FMN1: variants seen among roughly 807,000 people sequenced by gnomAD.
FMN1 encodes the protein formin-1.
A neutral mutation model predicts 132.4 loss-of-function variants in FMN1; 110 were observed. The observed-to-expected ratio is 0.83, with a 90% CI of 0.71 to 0.97. FMN1 has a LOEUF of 0.97. FMN1 is among the 50% of genes least tolerant of loss of function. FMN1 has a pLI of 0.00. For synonymous variants in FMN1, 722 were observed against 651.7 expected (o/e 1.11, Z -1.64); for missense variants, 1,792 against 1,705.3 (o/e 1.05, Z -0.90).
chr15:32,935,404 TA>T (rs1412996930), intron 9 of FMN1, among the ~76,000 whole-genome samples: 1 of 152,182 alleles, frequency 6.6e-6, no homozygotes, highest in Non-Finnish European at 1.5e-5. Context: ...TTTTTGTCTT[TA>T]ACTTTTGACA....
chr15:32,814,529 T>G (rs1200692225), intron 17 of FMN1, among the ~76,000 whole-genome samples: 2 of 152,190 alleles, frequency 1.3e-5, no homozygotes, highest in African/African-American at 4.8e-5. Context: ...TAGGAAATAT[T>G]AGGAATTGCA....
At chr15:32,871,447 G>C (rs940831660) in intron 16 of FMN1, among the ~76,000 whole-genome samples, 1 of 152,128 alleles carries the variant, frequency 6.6e-6, no homozygotes, top group Non-Finnish European at 1.5e-5. Context: ...CCACAAGCAT[G>C]TTTAACAGCC....
intron 15 of FMN1, among the ~76,000 whole-genome samples, chr15:32,891,622 G>C (rs1330018197): frequency 6.6e-6 from 1 of 151,948 alleles, no homozygotes; most frequent in Non-Finnish European, 1.5e-5. Context: ...TGGGCAGTAT[G>C]GTCATTTTCA....
chr15:33,097,256 A>G (rs980872336), intron 4 of FMN1, among the ~76,000 whole-genome samples: 5 of 151,838 alleles, frequency 3.3e-5, no homozygotes, highest in African/African-American at 1.2e-4. Context: ...GTGAGCCAAG[A>G]TCACACCACT....
intron 16 of FMN1, among the ~76,000 whole-genome samples, chr15:32,857,728 T>C (rs2059168563): frequency 1.3e-5 from 2 of 152,230 alleles, no homozygotes; most frequent in Admixed American, 6.5e-5. Flanking sequence ...ATAGACTATC[T>C]AAAATTTGTA....
At chr15:32,907,524 T>A (rs372066699) in intron 12 of FMN1, among the ~76,000 whole-genome samples, 2 of 151,950 alleles carry the variant, frequency 1.3e-5, no homozygotes, top group South Asian at 2.1e-4. Flanking sequence ...CATGGGCTGG[T>A]ACCAGTCTGT....
intron 16 of FMN1, among the ~76,000 whole-genome samples, chr15:32,869,069 A>T (rs2059456557): frequency 6.6e-6 from 1 of 152,182 alleles, no homozygotes; most frequent in African/African-American, 2.4e-5. Flanking sequence ...CTAGCCCTCA[A>T]CCACAGTGAG....
chr15:32,811,499 G>A (rs1189132130), intron 17 of FMN1, among the ~76,000 whole-genome samples: 1 of 151,710 alleles, frequency 6.6e-6, no homozygotes, highest in African/African-American at 2.4e-5. Context: ...AGGACATTGT[G>A]TCACTACACT....
At chr15:33,062,658 T>C (rs987618160) in intron 6 of FMN1, 15 of 152,086 alleles carry the variant, frequency 9.9e-5, no homozygotes, top group African/African-American at 2.4e-4. Context: ...AAAAGAACAG[T>C]AGTCTATAAT....
At chr15:32,889,343 T>C (rs557517515) in intron 15 of FMN1, among the ~76,000 whole-genome samples, 2 of 152,308 alleles carry the variant, frequency 1.3e-5, no homozygotes, top group African/African-American at 4.8e-5. Context: ...GCTTTGTATC[T>C]TGCATGTCTT....
chr15:33,067,282 G>C, intron 5 of FMN1: 1 of 1,613,778 alleles, frequency 6.2e-7, no homozygotes, highest in South Asian at 1.1e-5. Flanking sequence ...CTTCTGCACA[G>C]AGCTCTGCAC....
Position 32,822,169 on chromosome 15 carries a change from T to C in FMN1, c.3929-17837A>G, listed in dbSNP as rs1003285817. ...TTCGAGACCAGCCTGGCCAACATGG[T>C]GAAACCCCGCCTCTACTAAAAATAC... On this transcript the variant is annotated intron_variant, in intron 17 of 20. Coordinates refer to ENST00000616417, the MANE Select transcript of FMN1 (RefSeq NM_001277313.2). Among the ~76,000 whole-genome samples the C allele has an allele frequency of 2.6e-4, 40 of 151,892 alleles. 1 individual carries two copies. The highest frequency in any genetic ancestry group is 9.7e-4 in the African/African-American group (40 of 41,356).
chr15:33,017,082 T>C (rs538641588), intron 6 of FMN1, among the ~76,000 whole-genome samples: 2 of 151,738 alleles, frequency 1.3e-5, no homozygotes, highest in East Asian at 3.9e-4. Flanking sequence ...GTGGCTGGGG[T>C]TCACCCTGCC....
chr15:33,006,709 A>C (rs1319855268), intron 7 of FMN1, among the ~76,000 whole-genome samples: 1 of 152,228 alleles, frequency 6.6e-6, no homozygotes, highest in Non-Finnish European at 1.5e-5. Context: ...TCTAGTCTTT[A>C]AAAAGAAAAA....
chr15:32,897,910 G>C (rs1292692032), intron 15 of FMN1, among the ~76,000 whole-genome samples: 1 of 152,096 alleles, frequency 6.6e-6, no homozygotes, highest in Non-Finnish European at 1.5e-5. Flanking sequence ...GAAGGACAAG[G>C]TTTCATGCCT....
At chr15:32,950,468 A>G (rs1006351525) in intron 9 of FMN1, among the ~76,000 whole-genome samples, 1 of 152,172 alleles carries the variant, frequency 6.6e-6, no homozygotes, top group East Asian at 1.9e-4. Flanking sequence ...ACTGGATTTT[A>G]AAAAATGTGG....
At position 33,194,044 on chromosome 15, in the gene FMN1, G is replaced by T. The variant is rs1470399999; in HGVS notation, c.-332C>A. ...ATGATGATGAAAGAAGAAGAAAACG[G>T]TGATGGTAAATGTCATCTATAAACA... On this transcript the variant is annotated 5_prime_UTR_variant, in exon 2 of 21. Coordinates refer to ENST00000616417, the MANE Select transcript of FMN1 (RefSeq NM_001277313.2). The T allele has an allele frequency of 6.6e-6, 1 of 152,018 alleles. No individual in the cohort carries two copies. Among genetic ancestry groups the T allele is most frequent in the Admixed American group, 6.6e-5 (1 of 15,246 alleles). The allele number at this position is 152,018 out of a possible 1,614,324, so 9.4% of individuals were successfully genotyped here. A position where few individuals can be genotyped will look rare whatever the true frequency, so the allele number is the denominator to read the frequency against.
intron 7 of FMN1, among the ~76,000 whole-genome samples, chr15:32,998,592 C>T (rs910519660): frequency 5.3e-5 from 8 of 152,162 alleles, no homozygotes; most frequent in African/African-American, 1.7e-4. Context: ...AAACACTCCC[C>T]GTGGTGCTCT....
At chr15:32,929,107 T>C (rs1479117688) in intron 9 of FMN1, among the ~76,000 whole-genome samples, 1 of 152,242 alleles carries the variant, frequency 6.6e-6, no homozygotes, top group Non-Finnish European at 1.5e-5. Context: ...CTGGGACTAA[T>C]GCCTTAAAAC....
Sources: allele counts gnomAD v4.1 joint callset (sites outside exome capture counted in the v4.1 genomes callset), GRCh38; gene constraint gnomAD v4.1.1; transcripts MANE v1.5; gene names NCBI Gene and HGNC (gene_info 2026-07-23, HGNC 2026-07-21).